Variants in LURAP1L observed in about 807,000 individuals in gnomAD.
The protein encoded by LURAP1L is leucine rich adaptor protein 1-like.
A neutral mutation model predicts 13.8 loss-of-function variants in LURAP1L; 12 were observed. The ratio of observed to expected loss-of-function variants is 0.87; its 90% CI spans 0.56 to 1.41. LURAP1L has a LOEUF of 1.41. Ranked by LOEUF, LURAP1L falls within the 40% of genes most tolerant of loss-of-function variation. LURAP1L has a pLI of 0.00. For missense variants in LURAP1L, 375 were observed against 292.9 expected, an observed-to-expected ratio of 1.28 and a Z score of -2.04; for synonymous variants, 139 against 119.2, an observed-to-expected ratio of 1.17 and a Z score of -1.08.
chr9:12,806,937 T>C (rs1339244977), intron 1 of LURAP1L, among the ~76,000 whole-genome samples: 1 of 137,574 alleles, frequency 7.3e-6, no homozygotes, highest in Non-Finnish European at 1.5e-5. Flanking sequence ...TCTACTCTTC[T>C]GAACAACTAA....
Position 12,775,604 on chromosome 9 carries a change from G to C in LURAP1L, c.-112G>C. On this transcript the variant is annotated 5_prime_UTR_variant, in exon 1 of 2. Transcript: ENST00000319264. ...AGGACGGTACACCGGAGCGGCGGAG[G>C]ATAGAGACCCTGGCCCCCGGAGAGG... 6.9e-7 allele frequency: 1 copy of C among 1,451,050 alleles called. No homozygotes were observed. Among genetic ancestry groups the C allele is most frequent in the South Asian group, 1.5e-5 (1 of 67,290 alleles). The allele number at this position is 1,451,050 out of a possible 1,614,324, so 89.9% of individuals were successfully genotyped here.
At chr9:12,783,466 G>A (rs923003339) in intron 1 of LURAP1L, among the ~76,000 whole-genome samples, 1 of 152,058 alleles carries the variant, frequency 6.6e-6, no homozygotes, top group African/African-American at 2.4e-5. Flanking sequence ...ATTATCATAT[G>A]GTTTATTCCT....
chr9:12,782,909 A>G (rs945857723), intron 1 of LURAP1L, among the ~76,000 whole-genome samples: 1 of 152,128 alleles, frequency 6.6e-6, no homozygotes, highest in African/African-American at 2.4e-5. Flanking sequence ...GGTATTTTAT[A>G]GTATTCATTG....
intron 1 of LURAP1L, among the ~76,000 whole-genome samples, chr9:12,811,113 C>A (rs1209248258): frequency 6.6e-6 from 1 of 152,108 alleles, no homozygotes; most frequent in African/African-American, 2.4e-5. Flanking sequence ...TATTACCATC[C>A]TAATCACCTC....
Position 12,775,886 on chromosome 9 carries a change from T to C in LURAP1L, c.171T>C (p.Ser57=), listed in dbSNP as rs760923198. ...GGGGGGGGGC[S]SSSSYCSFPP... Reference sequence around the variant, plus strand: ...GTGGCGGCGGCGGCGGCGGCTGCAGTAGCAGCAGCAGCTACTGCAGCTTCC... The same window carrying C: ...GTGGCGGCGGCGGCGGCGGCTGCAGCAGCAGCAGCAGCTACTGCAGCTTCC... The change falls in exon 1 of 2, where the codon AGT becomes AGC. Residue 57 remains serine (S), a synonymous_variant. Coordinates refer to ENST00000319264, the MANE Select transcript of LURAP1L (RefSeq NM_203403.2). 16 of 1,469,022 alleles carry C rather than the reference T, an allele frequency of 1.1e-5. No individual in the cohort carries two copies. Among genetic ancestry groups the C allele is most frequent in the African/African-American group, 1.8e-5 (1 of 54,430 alleles). 91.0% of individuals were successfully genotyped at this position (1,469,022 alleles called of 1,614,324 possible).
chr9:12,776,083 G>A, intron 1 of LURAP1L, 56 bp downstream of exon 1: 3 of 1,534,994 alleles, frequency 2.0e-6, no homozygotes, highest in African/African-American at 1.4e-5. Flanking sequence ...CAAAAGATGG[G>A]GCGATCTGAG....
At chr9:12,803,572 A>G (rs1036512232) in intron 1 of LURAP1L, among the ~76,000 whole-genome samples, 1 of 152,234 alleles carries the variant, frequency 6.6e-6, no homozygotes, top group Admixed American at 6.5e-5. Flanking sequence ...CAGTGTACAT[A>G]TAAACATGAT....
At chr9:12,777,206 C>G in intron 1 of LURAP1L, 3 of 983,966 alleles carry the variant, frequency 3.0e-6, no homozygotes, top group South Asian at 4.7e-5. Flanking sequence ...TTAGGTTGGA[C>G]AAAAATTTAA....
intron 1 of LURAP1L, chr9:12,777,306 G>T (rs963336681): frequency 4.0e-5 from 39 of 985,280 alleles, no homozygotes; most frequent in Non-Finnish European, 8.4e-6. Context: ...AAATGGAAAA[G>T]ATGACAAACC....
intron 1 of LURAP1L, among the ~76,000 whole-genome samples, chr9:12,783,484 A>G (rs1014833843): frequency 3.0e-4 from 45 of 152,128 alleles, no homozygotes; most frequent in East Asian, 1.9e-4. Flanking sequence ...CCTTCATTCT[A>G]TTGATATGAT....
At chr9:12,816,694 C>T (rs899102858) in intron 1 of LURAP1L, among the ~76,000 whole-genome samples, 3 of 152,164 alleles carry the variant, frequency 2.0e-5, no homozygotes, top group African/African-American at 4.8e-5. Context: ...CTCAGTTCAT[C>T]ACCTGTCAAA....
In LURAP1L at chr9:12,775,561, G is replaced by T. The variant is rs1332324801; in HGVS notation, c.-155G>T. 1 of 1,272,078 alleles carries T rather than the reference G, an allele frequency of 7.9e-7. No homozygotes were observed. The highest frequency in any genetic ancestry group is 1.0e-6 in the Non-Finnish European group (1 of 963,206). The allele number at this position is 1,272,078 out of a possible 1,614,324, so 78.8% of individuals were successfully genotyped here. On this transcript the variant is annotated 5_prime_UTR_variant, in exon 1 of 2. Transcript: ENST00000319264. ...CTGTGCGGATTTCAGGGCTGATACC[G>T]CATAGGCGGTTATGGAAAGGACGGT...
At chr9:12,814,639 G>C (rs981688328) in intron 1 of LURAP1L, among the ~76,000 whole-genome samples, 1 of 152,182 alleles carries the variant, frequency 6.6e-6, no homozygotes, top group Admixed American at 6.5e-5. Flanking sequence ...AGCAGGCCTG[G>C]TGGCCGGAAT....
chr9:12,808,619 T>C (rs1001155914), intron 1 of LURAP1L, among the ~76,000 whole-genome samples: 10 of 152,194 alleles, frequency 6.6e-5, no homozygotes, highest in African/African-American at 2.4e-4. Flanking sequence ...CTTGTGCAAC[T>C]GTAGGTAAGG....
In LURAP1L at chr9:12,821,527, T is replaced by C; in HGVS notation, c.454T>C (p.Leu152=). The change falls in exon 2 of 2, where the codon TTG becomes CTG. Residue 152 remains leucine, a synonymous_variant. Transcript: ENST00000319264. ...CAGCCTCAGTGGCAGCCTGTGCAGT[T>C]TGTTGGAGAGTCAGAGCACCTCCTT... ...GSSLSGSLCS[L]LESQSTSLRG... 1 of 1,614,100 alleles carries C rather than the reference T, an allele frequency of 6.2e-7. No individual in the cohort carries two copies.
chr9:12,820,855 A>T (rs1563901023), intron 1 of LURAP1L, among the ~76,000 whole-genome samples: 1 of 152,104 alleles, frequency 6.6e-6, no homozygotes. Context: ...GAAGACAAAA[A>T]TAATAATACC....
chr9:12,797,086 C>A (rs1306840303), intron 1 of LURAP1L, among the ~76,000 whole-genome samples: 1 of 151,894 alleles, frequency 6.6e-6, no homozygotes, highest in Non-Finnish European at 1.5e-5. Flanking sequence ...CATGGGATTA[C>A]CAAACAAAAG....
rs191273874 is a variant in LURAP1L at position 12,821,253 on chromosome 9, T to C, written c.313-133T>C. On this transcript the variant is annotated intron_variant, in intron 1 of 1. Coordinates refer to ENST00000319264, the MANE Select transcript of LURAP1L (RefSeq NM_203403.2). ...CAGTCAGCAATTATCAAAAAGTTCCTGACAACCAGTCCACTTATATTTTAT... is the reference window on the plus strand; with the variant it reads ...CAGTCAGCAATTATCAAAAAGTTCCCGACAACCAGTCCACTTATATTTTAT... 3.3e-5 allele frequency: 36 copies of C among 1,085,840 alleles called. 1 individual carries two copies. Among genetic ancestry groups the C allele is most frequent in the Non-Finnish European group, 4.1e-5 (31 of 758,296 alleles). 67.3% of individuals were successfully genotyped at this position (1,085,840 alleles called of 1,614,324 possible).
chr9:12,791,673 G>A lies in LURAP1L; in HGVS notation c.312+15646G>A, dbSNP rs970512619. Among the ~76,000 whole-genome samples the A allele has an allele frequency of 2.8e-5, 4 of 141,844 alleles. No homozygotes were observed. The Admixed American group carries it at 2.9e-4, about 10-fold the overall frequency. 93.1% of individuals were successfully genotyped at this position (141,844 alleles called of 152,430 possible). ...CTCTCTCTCCTTCTCTCTCTCTCCT[G>A]CCCTCCTCCCTTCTTTTTACACACA... On this transcript the variant is annotated intron_variant, in intron 1 of 1. Transcript: ENST00000319264.
Sources: gnomAD v4.1 joint callset for allele counts (sites outside exome capture counted in the v4.1 genomes callset) on GRCh38, gnomAD v4.1.1 for gene constraint, MANE v1.5 for transcripts, NCBI Gene and HGNC (gene_info 2026-07-23, HGNC 2026-07-21) for gene names.